The following HEPH variants were observed in gnomAD, a reference collection of about 807,000 sequenced individuals.
HEPH encodes hephaestin.
Under a neutral mutation model 80.8 loss-of-function variants are expected in HEPH, and 69 were observed. The observed-to-expected ratio is 0.85, with a 90% CI of 0.70 to 1.04. HEPH has a LOEUF of 1.04. Ranked by LOEUF, HEPH falls within the 50% of genes least tolerant of loss-of-function variation. The probability of loss-of-function intolerance (pLI) is 0.00; values close to 1 mark genes in which losing one functional copy is unlikely to be tolerated. For missense variants in HEPH, 1,115 were observed against 891.3 expected (o/e 1.25, Z -3.20); for synonymous variants, 431 against 322.8 (o/e 1.34, Z -3.60).
In HEPH at chrX:66,189,829, C is replaced by A. The variant is rs1332447936; in HGVS notation, c.954C>A (p.His318Gln). The A allele has an allele frequency of 8.3e-7, 1 of 1,208,204 alleles. No homozygotes were observed. Among genetic ancestry groups the A allele is most frequent in the Non-Finnish European group, 1.1e-6 (1 of 894,581 alleles). The change falls in exon 6 of 21, where the codon CAC becomes CAA. Residue 318 changes from histidine (H) to glutamine (Q), a missense_variant. Transcript: ENST00000343002. ...GACAGATGCTGACTACCCGTGGACA[C>A]CACACTGATGTGGCTAACATCTTTC... ...FHGQMLTTRGHHTDVANIFPA... is the reference protein window; with the variant it reads ...FHGQMLTTRGQHTDVANIFPA...
chrX:66,231,676 G>A (rs2090150176), intron 15 of HEPH, among the ~76,000 whole-genome samples: 2 of 108,853 alleles, frequency 1.8e-5, no homozygotes, highest in African/African-American at 6.7e-5. Context: ...GGAGATTTTG[G>A]GCTGAGACAG....
In HEPH at chrX:66,223,476, T is replaced by C. The variant is rs7057203; in HGVS notation, c.2563+15230T>C. ...ATACTATTAATGTTAAACTTAGTTT[T>C]AGTAAAACTTTGTATACGTATTTAT... is the stretch of plus-strand genomic sequence containing the variant. On this transcript the variant is annotated intron_variant, in intron 15 of 20. Transcript: ENST00000343002. Among the ~76,000 whole-genome samples, 92 of 111,956 alleles carry C rather than the reference T, an allele frequency of 8.2e-4. 2 individuals are homozygous for C. The highest frequency in any genetic ancestry group is 3.0e-3 in the African/African-American group (92 of 30,919).
chrX:66,251,328 G>C (rs2090999029), intron 15 of HEPH, among the ~76,000 whole-genome samples: 1 of 112,256 alleles, frequency 8.9e-6, no homozygotes, highest in East Asian at 2.8e-4. Context: ...AGCAAAGTGT[G>C]AGTGATTCAG....
chrX:66,229,213 G>A (rs886885958), intron 15 of HEPH, among the ~76,000 whole-genome samples: 1 of 112,089 alleles, frequency 8.9e-6, no homozygotes, highest in Admixed American at 9.5e-5. Flanking sequence ...CATAGACATA[G>A]ATATAGATAT....
At chrX:66,266,418 A>ATTTT in intron 20 of HEPH, 22 bp from the exon 21 acceptor site, 1 of 1,032,826 alleles carries the variant, frequency 9.7e-7, no homozygotes, top group Admixed American at 2.5e-5. Flanking sequence ...CAGGATGCCC[A>ATTTT]TTTTTTTTTT....
rs2088402382 is a variant in HEPH at position 66,200,843 on chromosome X, AAT to A, written c.2077+93_2077+94del. 13 of 681,766 alleles carry A rather than the reference AAT, an allele frequency of 1.9e-5. No homozygotes were observed. The South Asian group carries it at 3.3e-4, about 17-fold the overall frequency. 56.2% of individuals were successfully genotyped at this position (681,766 alleles called of 1,213,427 possible). A position where few individuals can be genotyped will look rare whatever the true frequency, so the allele number is the denominator to read the frequency against. On this transcript the variant is annotated intron_variant, in intron 12 of 20. Transcript: ENST00000343002. Reference sequence around the variant, plus strand: ...GAGGGAGGGATGGTGAAGAGAAAATAATAGGCATGTTAAGGGTTCTAGGAAGT... The same window carrying A: ...GAGGGAGGGATGGTGAAGAGAAAATAAGGCATGTTAAGGGTTCTAGGAAGT...
chrX:66,166,087 G>C (rs770305654), intron 1 of HEPH, among the ~76,000 whole-genome samples: 3 of 111,867 alleles, frequency 2.7e-5, no homozygotes, highest in East Asian at 5.6e-4. Flanking sequence ...ACTTGTTCAA[G>C]GTTATATAAC....
chrX:66,267,022 C>A lies in HEPH; in HGVS notation c.*350C>A. 6.1e-6 allele frequency: 1 copy of A among 164,372 alleles called. No homozygotes were observed. Among genetic ancestry groups the A allele is most frequent in the Non-Finnish European group, 1.2e-5 (1 of 86,178 alleles). 13.5% of individuals were successfully genotyped at this position (164,372 alleles called of 1,213,427 possible). A position where few individuals can be genotyped will look rare whatever the true frequency, so the allele number is the denominator to read the frequency against. On this transcript the variant is annotated 3_prime_UTR_variant, in exon 21 of 21. Coordinates refer to ENST00000343002, the MANE Select transcript of HEPH (RefSeq NM_001367233.3). ...CAAAGTAGAGACCAAGAGAAAAACTCATTGATTGGGTTTCTACTTCTTTCA... is the reference window on the plus strand; with the variant it reads ...CAAAGTAGAGACCAAGAGAAAAACTAATTGATTGGGTTTCTACTTCTTTCA...
intron 15 of HEPH, among the ~76,000 whole-genome samples, chrX:66,232,958 T>A (rs996244552): frequency 1.8e-5 from 2 of 110,638 alleles, no homozygotes; most frequent in Admixed American, 9.7e-5. Context: ...ATGAGCTGTA[T>A]TTTATAAGGA....
intron 12 of HEPH, 144 bp from the exon 13 acceptor site, chrX:66,203,220 C>T (rs1236108133): frequency 2.2e-6 from 1 of 463,720 alleles, no homozygotes; most frequent in Non-Finnish European, 3.7e-6. Flanking sequence ...ACTCTTTTAT[C>T]TATGTGTAGT....
chrX:66,258,696 T>C (rs371969422), intron 17 of HEPH, 144 bp from the exon 18 acceptor site: 1 of 414,912 alleles, frequency 2.4e-6, no homozygotes, highest in Non-Finnish European at 4.0e-6. Context: ...GAGGGACAGA[T>C]GGAAAAAAGA....
At position 66,173,689 on chromosome X, in the gene HEPH, T is replaced by C; in HGVS notation, c.513T>C (p.His171=). The C allele has an allele frequency of 8.3e-7, 1 of 1,209,847 alleles. No individual in the cohort carries two copies. Among genetic ancestry groups the C allele is most frequent in the Non-Finnish European group, 1.1e-6 (1 of 894,313 alleles). Residue 171 remains histidine, a synonymous_variant, in exon 4 of 21, where the codon CAT becomes CAC. Coordinates refer to ENST00000343002, the MANE Select transcript of HEPH (RefSeq NM_001367233.3). ...ACAACTGGACCATTCCAGAAGGCCA[T>C]GCACCCACCGATGCTGACCCAGCGT... The part of the protein sequence containing the change: ...HIYNWTIPEG[H]APTDADPACL...
intron 20 of HEPH, among the ~76,000 whole-genome samples, chrX:66,264,960 C>A (rs1473686319): frequency 9.2e-6 from 1 of 108,565 alleles, no homozygotes; most frequent in East Asian, 2.8e-4. Flanking sequence ...CATAAGCTCT[C>A]ATTTGTTAAA....
At chrX:66,233,506 G>C (rs778093078) in intron 15 of HEPH, among the ~76,000 whole-genome samples, 1 of 111,467 alleles carries the variant, frequency 9.0e-6, no homozygotes, top group Non-Finnish European at 1.9e-5. Flanking sequence ...GGATTTATGA[G>C]CACTGGGCTT....
intron 16 of HEPH, among the ~76,000 whole-genome samples, chrX:66,255,555 C>T (rs1483459397): frequency 9.0e-6 from 1 of 111,694 alleles, no homozygotes; most frequent in Non-Finnish European, 1.9e-5. Flanking sequence ...ATGGATTTAT[C>T]GATCTAGCCA....
intron 15 of HEPH, among the ~76,000 whole-genome samples, chrX:66,244,208 G>A (rs767889773): frequency 8.9e-6 from 1 of 111,880 alleles, no homozygotes; most frequent in African/African-American, 3.2e-5. Flanking sequence ...TCCTGGATTT[G>A]AATGCTGGCT....
chrX:66,201,017 C>T (rs1184065417), intron 12 of HEPH, among the ~76,000 whole-genome samples: 1 of 111,458 alleles, frequency 9.0e-6, no homozygotes, highest in East Asian at 2.8e-4. Context: ...GGATGTTGCT[C>T]AGCTTTAGTG....
intron 15 of HEPH, among the ~76,000 whole-genome samples, chrX:66,227,734 T>C (rs985575620): frequency 8.9e-6 from 1 of 111,868 alleles, no homozygotes; most frequent in Non-Finnish European, 1.9e-5. Flanking sequence ...TCTGGTTCTC[T>C]ATTCTGTTCC....
chrX:66,256,146 A>G lies in HEPH; in HGVS notation c.2712A>G (p.Gln904=), dbSNP rs770475481. The change falls in exon 17 of 21, where the codon CAA becomes CAG. Residue 904 remains glutamine, a synonymous_variant. Transcript: ENST00000343002. ...TGGTGGGGCCCTTGGCTATCTGCCA[A>G]AAGGGCATCCTGGAGCCCCATGGAG... The part of the protein sequence containing the change: ...SGLVGPLAIC[Q]KGILEPHGGR... 2 of 1,211,341 alleles carry G rather than the reference A, an allele frequency of 1.7e-6. No individual in the cohort carries two copies. The highest frequency in any genetic ancestry group is 2.2e-6 in the Non-Finnish European group (2 of 895,065).
Sources: gnomAD v4.1 joint callset for allele counts (sites outside exome capture counted in the v4.1 genomes callset) on GRCh38, gnomAD v4.1.1 for gene constraint, MANE v1.5 for transcripts, NCBI Gene and HGNC (gene_info 2026-07-23, HGNC 2026-07-21) for gene names.